ITIH5: variants seen among roughly 807,000 people sequenced by gnomAD.
ITIH5 encodes inter-alpha-trypsin inhibitor heavy chain H5.
In ITIH5, 65 loss-of-function variants were observed where a neutral mutation model predicts 77.5. The observed-to-expected ratio is 0.84, with a 90% CI of 0.69 to 1.03. The LOEUF (loss-of-function observed/expected upper bound fraction) is 1.03. Ranked by LOEUF, ITIH5 falls within the 50% of genes least tolerant of loss-of-function variation. The probability of loss-of-function intolerance (pLI) is 0.00; values close to 1 mark genes in which losing one functional copy is unlikely to be tolerated. For missense variants in ITIH5, 1,208 were observed against 1,213.1 expected, an observed-to-expected ratio of 1.00 and a Z score of 0.06; for synonymous variants, 525 against 494.3, an observed-to-expected ratio of 1.06 and a Z score of -0.82.
At chr10:7,664,298 G>A (rs917427759) in intron 1 of ITIH5, among the ~76,000 whole-genome samples, 1 of 151,524 alleles carries the variant, frequency 6.6e-6, no homozygotes, top group Non-Finnish European at 1.5e-5. Context: ...TGCTTGGGAG[G>A]CTGAGGCATG....
chr10:7,611,111 A>G (rs1168261140), intron 7 of ITIH5, among the ~76,000 whole-genome samples: 1 of 152,218 alleles, frequency 6.6e-6, no homozygotes, highest in East Asian at 1.9e-4. Context: ...TGCCGCAACC[A>G]CACTCTTACT....
At position 7,580,010 on chromosome 10, in the gene ITIH5, A is replaced by G; in HGVS notation, c.1163T>C (p.Val388Ala). Residue 388 changes from valine (V) to alanine (A), a missense_variant, in exon 9 of 14, where the codon GTG becomes GCG. By Grantham distance (64) the Val-to-Ala change is moderately conservative (BLOSUM62 0). Coordinates refer to ENST00000397146, the MANE Select transcript of ITIH5 (RefSeq NM_030569.7). Reference sequence around the variant, plus strand: ...CCGGTCTCCAATGCCACTGTGGGCCACGTACTTGTTGAGGAGCCTGATGGC... The same window carrying G: ...CCGGTCTCCAATGCCACTGTGGGCCGCGTACTTGTTGAGGAGCCTGATGGC... ...QRAIRLLNKY[V>A]AHSGIGDRSV... 6.2e-7 allele frequency: 1 copy of G among 1,613,640 alleles called. No homozygotes were observed. Among genetic ancestry groups the G allele is most frequent in the Non-Finnish European group, 8.5e-7 (1 of 1,179,926 alleles).
chr10:7,651,951 T>C (rs1834107994), intron 2 of ITIH5, among the ~76,000 whole-genome samples: 1 of 152,188 alleles, frequency 6.6e-6, no homozygotes, highest in Admixed American at 6.5e-5. Flanking sequence ...TCTGTCTGTG[T>C]ATCTTACCAC....
chr10:7,640,693 C>A (rs1434683157), intron 4 of ITIH5, 61 bp downstream of exon 4: 1 of 997,332 alleles, frequency 1.0e-6, no homozygotes, highest in Non-Finnish European at 1.6e-6. Flanking sequence ...TAGGCAAAGG[C>A]ATAGAAAATG....
intron 7 of ITIH5, among the ~76,000 whole-genome samples, chr10:7,613,010 T>C (rs1346455125): frequency 1.3e-5 from 2 of 152,146 alleles, no homozygotes; most frequent in Non-Finnish European, 2.9e-5. Flanking sequence ...TTTGGAAAGC[T>C]GAGGTGGGCA....
rs527817699 is a variant in ITIH5, at chr10:7,664,409, A to C, written c.90+2394T>G. Among the ~76,000 whole-genome samples, 278 of 151,986 alleles carry C rather than the reference A, an allele frequency of 1.8e-3. 2 individuals carry two copies. Among genetic ancestry groups the C allele is most frequent in the African/African-American group, 6.5e-3 (268 of 41,450 alleles). On this transcript the variant is annotated intron_variant, in intron 1 of 13. Coordinates refer to ENST00000397146, the MANE Select transcript of ITIH5 (RefSeq NM_030569.7). ...AGCGAGATTCCGTCTCAAAAAAAAA[A>C]AAAAAACTAAAATGTGTTCCATGGA...
chr10:7,611,441 G>A (rs1833241906), intron 7 of ITIH5, among the ~76,000 whole-genome samples: 1 of 152,192 alleles, frequency 6.6e-6, no homozygotes, highest in Admixed American at 6.5e-5. Flanking sequence ...ATTTTTCTGA[G>A]GGTTATTTGG....
At position 7,652,356 on chromosome 10, in the gene ITIH5, G is replaced by A. The variant is rs536511392; in HGVS notation, c.135+3275C>T. 1.8e-4 allele frequency among the ~76,000 whole-genome samples: 28 copies of A among 152,196 alleles called. No homozygotes were observed. In the South Asian group the frequency reaches 5.8e-3, roughly 32 times the overall value. ...ATGCAGGCTAGAAGGAGACTCATAG[G>A]ATGAACTGAGCTCCAGAGGCAAGCA... On this transcript the variant is annotated intron_variant, in intron 2 of 13. Transcript: ENST00000397146.
At chr10:7,639,423 G>C (rs1033010499) in intron 4 of ITIH5, among the ~76,000 whole-genome samples, 6 of 152,158 alleles carry the variant, frequency 3.9e-5, no homozygotes, top group Non-Finnish European at 1.5e-5. Context: ...CTGAAGCTCT[G>C]GACCTTGGTT....
chr10:7,575,944 G>C (rs924358912), intron 10 of ITIH5, among the ~76,000 whole-genome samples: 4 of 152,116 alleles, frequency 2.6e-5, no homozygotes, highest in African/African-American at 9.7e-5. Context: ...TCTCTAGACA[G>C]CCACAGTGTA....
At position 7,569,688 on chromosome 10, in the gene ITIH5, A is replaced by C. The variant is rs748469095; in HGVS notation, c.2129T>G (p.Val710Gly). Residue 710 changes from valine to glycine, a missense_variant, in exon 12 of 14, where the codon GTC (valine) becomes GGC (glycine). By Grantham distance (109) the Val-to-Gly change is moderately radical. Transcript: ENST00000397146. ...CTTACCAGAGTCCCTGTGATCAGAGACCAGCCTGAGGATGTCCCCGGGCTG... is the reference window on the plus strand; with the variant it reads ...CTTACCAGAGTCCCTGTGATCAGAGCCCAGCCTGAGGATGTCCCCGGGCTG... ...DGQPGDILRLVSDHRDSGVTV... is the reference protein window; with the variant it reads ...DGQPGDILRLGSDHRDSGVTV... 3.7e-6 allele frequency: 6 copies of C among 1,609,588 alleles called. No homozygotes were observed. The highest frequency in any genetic ancestry group is 1.1e-5 in the South Asian group (1 of 90,184).
intron 5 of ITIH5, among the ~76,000 whole-genome samples, chr10:7,627,676 CACACATGTGAAGCACCCACAGAGAACA>C (rs113346691): frequency 7.9e-5 from 12 of 152,162 alleles, no homozygotes; most frequent in African/African-American, 2.9e-4. Context: ...TTTGCCTTCC[CACACATGTGAAGCACCCACAGAGAACA>C]GCCAGAGAAC....
chr10:7,613,064 G>C (rs1411406235), intron 7 of ITIH5, among the ~76,000 whole-genome samples: 2 of 152,120 alleles, frequency 1.3e-5, no homozygotes, highest in Non-Finnish European at 2.9e-5. Flanking sequence ...GGCCAACATG[G>C]TGAAATCCCA....
intron 7 of ITIH5, among the ~76,000 whole-genome samples, chr10:7,593,673 C>A (rs11598965): frequency 2.5e-5 from 2 of 79,652 alleles, no homozygotes; most frequent in East Asian, 4.0e-4. Flanking sequence ...ACCCCTGCAG[C>A]CTGCAGCCAC....
intron 7 of ITIH5, among the ~76,000 whole-genome samples, chr10:7,601,791 T>C (rs1480333975): frequency 6.6e-6 from 1 of 152,176 alleles, no homozygotes; most frequent in African/African-American, 2.4e-5. Flanking sequence ...GATTGTAGAA[T>C]TGTTGATCAC....
At position 7,561,037 on chromosome 10, in the gene ITIH5, C is replaced by T. The variant is rs1832031172; in HGVS notation, c.*2046G>A. The T allele has an allele frequency of 5.1e-5, 1 of 19,744 alleles. No homozygotes were observed. Among genetic ancestry groups the T allele is most frequent in the Non-Finnish European group, 1.1e-4 (1 of 8,926 alleles). 1.2% of individuals were successfully genotyped at this position (19,744 alleles called of 1,614,324 possible). A position where few individuals can be genotyped will look rare whatever the true frequency, so the allele number is the denominator to read the frequency against. On this transcript the variant is annotated 3_prime_UTR_variant, in exon 14 of 14. Transcript: ENST00000397146. ...GGTTTCGGGCTTTCAGGTACTGACC[C>T]CATTTGAAAAAAAAAAAAAAGATCT...
rs1564277767 is a variant in ITIH5, at chr10:7,644,634, A to ATATATATCATATATATCG, written c.136-2545_136-2544insCGATATATATGATATATA. Among the ~76,000 whole-genome samples, 72 of 76,484 alleles carry ATATATATCATATATATCG rather than the reference A, an allele frequency of 9.4e-4. 2 individuals carry two copies. The highest frequency in any genetic ancestry group is 3.0e-3 in the African/African-American group (68 of 22,648). 50.2% of individuals were successfully genotyped at this position (76,484 alleles called of 152,430 possible). A position where few individuals can be genotyped will look rare whatever the true frequency, so the allele number is the denominator to read the frequency against. Reference sequence around the variant, plus strand: ...ATATCACATATATATCACATATATCACATATATATCATATATATCACATAT... The same window carrying ATATATATCATATATATCG: ...ATATCACATATATATCACATATATCATATATATCATATATATCGCATATATATCATATATATCACATAT... On this transcript the variant is annotated intron_variant, in intron 2 of 13. Coordinates refer to ENST00000397146, the MANE Select transcript of ITIH5 (RefSeq NM_030569.7).
At chr10:7,601,440 A>G (rs1370975649) in intron 7 of ITIH5, among the ~76,000 whole-genome samples, 3 of 152,168 alleles carry the variant, frequency 2.0e-5, no homozygotes, top group Non-Finnish European at 4.4e-5. Context: ...GGCCATTGCT[A>G]AATCATAAAC....
intron 7 of ITIH5, among the ~76,000 whole-genome samples, chr10:7,602,007 C>A (rs1038971826): frequency 6.6e-6 from 1 of 152,136 alleles, no homozygotes; most frequent in African/African-American, 2.4e-5. Context: ...TACGTGCCAC[C>A]ACGCAGGGCT....
Sources: gnomAD v4.1 joint callset for allele counts (sites outside exome capture counted in the v4.1 genomes callset) on GRCh38, gnomAD v4.1.1 for gene constraint, MANE v1.5 for transcripts, NCBI Gene and HGNC (gene_info 2026-07-23, HGNC 2026-07-21) for gene names.